The following SHISA9 variants were observed in gnomAD, a reference collection of about 807,000 sequenced individuals.
SHISA9 encodes the protein shisa family member 9, also known as protein shisa-9.
In SHISA9, 13 loss-of-function variants were observed where a neutral mutation model predicts 38.0. That is an observed-to-expected ratio of 0.34 (90% CI 0.22 to 0.54). SHISA9 has a LOEUF of 0.54. SHISA9 is among the 20% of genes least tolerant of loss of function. The pLI is 0.91. For missense variants in SHISA9, 538 were observed against 575.8 expected (o/e 0.93, Z 0.67); for synonymous variants, 275 against 242.0 (o/e 1.14, Z -1.27).
At chr16:13,241,126 A>G (rs2051431977), downstream of SHISA9, among the ~76,000 whole-genome samples, 1 of 152,210 alleles carries the variant, frequency 6.6e-6, no homozygotes. Flanking sequence ...GCCCATGGCC[A>G]TCAGACATTG....
intron 2 of SHISA9, among the ~76,000 whole-genome samples, chr16:13,073,239 T>TG (rs2073539985): frequency 6.7e-6 from 1 of 149,042 alleles, no homozygotes; most frequent in Non-Finnish European, 1.5e-5. Flanking sequence ...TTTTTTTTTT[T>TG]GTACAACAGG....
intron 2 of SHISA9, among the ~76,000 whole-genome samples, chr16:13,062,200 A>C (rs1022372110): frequency 6.6e-6 from 1 of 152,012 alleles, no homozygotes; most frequent in Non-Finnish European, 1.5e-5. Context: ...AAAAAAAAAA[A>C]ATCCATTGTT....
intron 2 of SHISA9, among the ~76,000 whole-genome samples, chr16:13,177,417 A>G (rs2050740565): frequency 1.3e-5 from 2 of 152,338 alleles, no homozygotes; most frequent in African/African-American, 2.4e-5. Flanking sequence ...CATCTGCTCA[A>G]TAACAAAGTA....
At chr16:13,120,183 T>C (rs1360010100) in intron 2 of SHISA9, among the ~76,000 whole-genome samples, 1 of 152,164 alleles carries the variant, frequency 6.6e-6, no homozygotes, top group South Asian at 2.1e-4. Context: ...CAATTAGATA[T>C]ATAAATATTT....
intron 2 of SHISA9, among the ~76,000 whole-genome samples, chr16:13,181,327 A>G (rs2050777630): frequency 6.9e-6 from 1 of 144,950 alleles, no homozygotes; most frequent in Non-Finnish European, 1.5e-5. Context: ...ACACACACAC[A>G]CACACACATA....
the SHISA9 span, among the ~76,000 whole-genome samples, chr16:13,546,558 T>A: frequency 1.3e-5 from 2 of 152,178 alleles, no homozygotes; most frequent in Non-Finnish European, 2.9e-5. Context: ...AATTCTCCAA[T>A]TGAAAGACGT....
At chr16:12,906,528 CCA>C (rs2141706525) in intron 1 of SHISA9, among the ~76,000 whole-genome samples, 1 of 152,262 alleles carries the variant, frequency 6.6e-6, no homozygotes, top group East Asian at 1.9e-4. Context: ...GCAAGAGCAG[CCA>C]CAGTCAGTCA....
chr16:13,099,721 C>A (rs1053886684), intron 2 of SHISA9, among the ~76,000 whole-genome samples: 1 of 152,158 alleles, frequency 6.6e-6, no homozygotes, highest in Non-Finnish European at 1.5e-5. Flanking sequence ...TAAGAATCTT[C>A]CTTTTAGGCT....
At chr16:13,246,705 C>T in the SHISA9 span, among the ~76,000 whole-genome samples, 2 of 152,022 alleles carry the variant, frequency 1.3e-5, no homozygotes, top group African/African-American at 4.8e-5. Context: ...TTTCCACCAC[C>T]AACTGGACGT....
intron 2 of SHISA9, among the ~76,000 whole-genome samples, chr16:13,028,490 G>C (rs1453855558): frequency 6.6e-6 from 1 of 152,136 alleles, no homozygotes; most frequent in Non-Finnish European, 1.5e-5. Flanking sequence ...GAGAGAAGGA[G>C]AGCCAAGTGA....
chr16:13,524,005 G>A, the SHISA9 span, among the ~76,000 whole-genome samples: 1 of 152,148 alleles, frequency 6.6e-6, no homozygotes, highest in Non-Finnish European at 1.5e-5. Context: ...GGAAAATGCA[G>A]AATTTACCTA....
intron 1 of SHISA9, among the ~76,000 whole-genome samples, chr16:12,905,350 G>C (rs1034961520): frequency 6.6e-6 from 1 of 152,062 alleles, no homozygotes; most frequent in Non-Finnish European, 1.5e-5. Flanking sequence ...ATCAGGATCT[G>C]GGGCAGTGTC....
intron 2 of SHISA9, among the ~76,000 whole-genome samples, chr16:12,987,711 G>T (rs1262016755): frequency 6.6e-6 from 1 of 152,058 alleles, no homozygotes; most frequent in African/African-American, 2.4e-5. Context: ...AAACAAACCT[G>T]CACGTTCTGC....
the SHISA9 span, among the ~76,000 whole-genome samples, chr16:13,554,291 A>G: frequency 7.8e-6 from 1 of 127,586 alleles, no homozygotes; most frequent in East Asian, 3.2e-4. Flanking sequence ...TCTAGTTGCT[A>G]GAGATTAAAA....
intron 2 of SHISA9, among the ~76,000 whole-genome samples, chr16:13,003,465 C>T (rs1212198469): frequency 2.0e-5 from 3 of 152,120 alleles, no homozygotes; most frequent in African/African-American, 7.2e-5. Flanking sequence ...TTGTTTTGGC[C>T]ATGTGCAAAA....
the SHISA9 span, among the ~76,000 whole-genome samples, chr16:13,495,426 A>T: frequency 6.6e-6 from 1 of 152,300 alleles, no homozygotes; most frequent in African/African-American, 2.4e-5. Flanking sequence ...AAGATAATAT[A>T]TACCAAAGAA....
At chr16:13,543,851 C>T in the SHISA9 span, among the ~76,000 whole-genome samples, 2 of 152,174 alleles carry the variant, frequency 1.3e-5, no homozygotes, top group African/African-American at 4.8e-5. Context: ...TGACAGTCAC[C>T]TAGAAAGCCC....
At chr16:13,254,981 A>AG in the SHISA9 span, among the ~76,000 whole-genome samples, 1 of 152,154 alleles carries the variant, frequency 6.6e-6, no homozygotes, top group African/African-American at 2.4e-5. Context: ...ACCTCCCAGG[A>AG]GGAGCTTCTT....
At chr16:13,542,640 C>T in the SHISA9 span, among the ~76,000 whole-genome samples, 1 of 152,166 alleles carries the variant, frequency 6.6e-6, no homozygotes, top group South Asian at 2.1e-4. Flanking sequence ...GCTCTGTTGC[C>T]TCACCCCTAT....
Sources: allele counts gnomAD v4.1 joint callset (sites outside exome capture counted in the v4.1 genomes callset), GRCh38; gene constraint gnomAD v4.1.1; transcripts MANE v1.5; gene names NCBI Gene and HGNC (gene_info 2026-07-23, HGNC 2026-07-21).